Variants in MICAL2 observed in about 807,000 individuals in gnomAD.
MICAL2 encodes the protein microtubule associated monooxygenase, calponin and LIM domain containing 2.
A neutral mutation model predicts 127.3 loss-of-function variants in MICAL2; 77 were observed. That is an observed-to-expected ratio of 0.60 (90% CI 0.50 to 0.73). MICAL2 has a LOEUF of 0.73. MICAL2 is among the 30% of genes least tolerant of loss of function. The pLI, the probability that MICAL2 is intolerant of heterozygous loss-of-function variation, is 0.00. For missense variants in MICAL2, 1,351 were observed against 1,434.4 expected (o/e 0.94, Z 0.94); for synonymous variants, 570 against 551.1 (o/e 1.03, Z -0.48).
At chr11:12,163,129 G>A (rs781396613) in intron 3 of MICAL2, among the ~76,000 whole-genome samples, 14 of 152,114 alleles carry the variant, frequency 9.2e-5, no homozygotes, top group African/African-American at 2.4e-4. Flanking sequence ...AAGCCTACAC[G>A]AACTGGTTGC....
At chr11:12,128,702 C>T (rs1448655368) in intron 1 of MICAL2, among the ~76,000 whole-genome samples, 1 of 152,200 alleles carries the variant, frequency 6.6e-6, no homozygotes, top group Non-Finnish European at 1.5e-5. Flanking sequence ...CAGAGCCTTT[C>T]AGCCACCCTC....
chr11:12,236,294 C>A, intron 16 of MICAL2, 49 bp downstream of exon 16: 7 of 1,547,660 alleles, frequency 4.5e-6, no homozygotes, highest in Non-Finnish European at 6.3e-6. Context: ...TCCTGACAAC[C>A]AGTGGCCACA....
chr11:12,167,921 T>C (rs1432588029), intron 3 of MICAL2, among the ~76,000 whole-genome samples: 1 of 152,180 alleles, frequency 6.6e-6, no homozygotes, highest in African/African-American at 2.4e-5. Context: ...CTTTCCTTTT[T>C]AGCTGTCCTC....
chr11:12,165,138 CAA>C (rs1207353830), intron 3 of MICAL2, among the ~76,000 whole-genome samples: 12 of 73,370 alleles, frequency 1.6e-4, no homozygotes, highest in Admixed American at 2.9e-4. Flanking sequence ...GACTCCATCT[CAA>C]AAAAAAAAAA....
chr11:12,341,987 G>T (rs1250420959), intron 32 of MICAL2, among the ~76,000 whole-genome samples: 1 of 152,166 alleles, frequency 6.6e-6, no homozygotes. Context: ...CAATATAAAT[G>T]ACTCTATTAA....
At chr11:12,333,818 A>T (rs1045526611) in intron 32 of MICAL2, among the ~76,000 whole-genome samples, 1 of 152,158 alleles carries the variant, frequency 6.6e-6, no homozygotes, top group African/African-American at 2.4e-5. Context: ...CTAGCAAAAA[A>T]CATGTACTAT....
rs1358811608 is a variant in MICAL2 at position 12,226,331 on chromosome 11, T to A, written c.1849T>A (p.Phe617Ile). 1.2e-6 allele frequency: 2 copies of A among 1,614,094 alleles called. No individual in the cohort carries two copies. Among genetic ancestry groups the A allele is most frequent in the Middle Eastern group, 1.7e-4 (1 of 6,058 alleles). ...KLSMVMYLSK[F>I]YELFRGTPLR... ...CAGCATGGTCATGTACCTCTCCAAG[T>A]TCTACGAGCTCTTCCGGGGCACCCC... Residue 617 changes from phenylalanine to isoleucine, a missense_variant, in exon 14 of 28, where the codon TTC (phenylalanine) becomes ATC (isoleucine). This residue lies in a region of MICAL2 where 752 missense variants were observed against 719.4 expected (regional missense o/e 1.05). Coordinates refer to ENST00000683283, the MANE Select transcript of MICAL2 (RefSeq NM_001282663.2).
intron 3 of MICAL2, among the ~76,000 whole-genome samples, chr11:12,194,802 G>T (rs961651227): frequency 6.6e-6 from 1 of 151,962 alleles, no homozygotes; most frequent in Non-Finnish European, 1.5e-5. Flanking sequence ...GAATTTACAG[G>T]GTCAGTTAGA....
chr11:12,352,899 G>A lies in MICAL2; in HGVS notation c.5616-1885G>A, dbSNP rs528385809. Among the ~76,000 whole-genome samples, 32 of 152,326 alleles carry A rather than the reference G, an allele frequency of 2.1e-4. No individual in the cohort carries two copies. The South Asian group carries it at 5.8e-3, about 28-fold the overall frequency. On this transcript the variant is annotated intron_variant, in intron 33 of 34. Coordinates refer to the MICAL2 transcript ENST00000646065. Reference sequence around the variant, plus strand: ...AACATCAGTGCAAAGACTGCCCATCGAGGAATTCCATGCAGGCAGGAACGG... The same window carrying A: ...AACATCAGTGCAAAGACTGCCCATCAAGGAATTCCATGCAGGCAGGAACGG...
intron 15 of MICAL2, among the ~76,000 whole-genome samples, chr11:12,231,453 C>G (rs143493305): frequency 6.6e-6 from 1 of 152,350 alleles, no homozygotes; most frequent in Non-Finnish European, 1.5e-5. Flanking sequence ...CCCCAACCCT[C>G]CTCTTCCTGA....
In MICAL2 at chr11:12,227,025, A is replaced by C. The variant is rs1445902380; in HGVS notation, c.1889A>C (p.Asp630Ala). ...ACAGTTGCGCTTTATTTCCCAACAG[A>C]TTCTTGGCGCAAAAACTATGGAGAA... ...LFRGTPLRPV[D>A]SWRKNYGENA... The change falls in exon 15 of 28, where the codon GAT (aspartate) becomes GCT (alanine). Residue 630 changes from aspartate to alanine, a missense_variant and splice_region_variant. Around this residue, in one of 2 missense-constraint regions of MICAL2, gnomAD observed 752 missense variants for 719.4 expected, o/e 1.05. Coordinates refer to ENST00000683283, the MANE Select transcript of MICAL2 (RefSeq NM_001282663.2). 6.2e-7 allele frequency: 1 copy of C among 1,613,024 alleles called. No individual in the cohort carries two copies. Among genetic ancestry groups the C allele is most frequent in the Non-Finnish European group, 8.5e-7 (1 of 1,179,096 alleles).
intron 22 of MICAL2, chr11:12,249,893 C>T (rs1973386): frequency 0.51 from 77,121 of 152,188 alleles, 20,151 homozygotes; most frequent in Middle Eastern, 0.67. Context: ...CTGCCTTGTG[C>T]CAGGAATGTC....
In MICAL2 at chr11:12,213,426, T is replaced by G. The variant is rs1855764040; in HGVS notation, c.847+16T>G. ...GAAGAAACAGGTGGGACCTTCACCT[T>G]TCTCCCAACCAGGCCAAGGTCTAAA... On this transcript the variant is annotated intron_variant, in intron 7 of 27. Coordinates refer to ENST00000683283, the MANE Select transcript of MICAL2 (RefSeq NM_001282663.2). 4.3e-6 allele frequency: 7 copies of G among 1,609,894 alleles called. No individual in the cohort carries two copies. Among genetic ancestry groups the G allele is most frequent in the Non-Finnish European group, 5.9e-6 (7 of 1,177,590 alleles).
Position 12,249,207 on chromosome 11 carries a change from C to T in MICAL2, c.2808C>T (p.Phe936=), listed in dbSNP as rs757420948. 3.7e-6 allele frequency: 6 copies of T among 1,612,768 alleles called. No individual in the cohort carries two copies. The highest frequency in any genetic ancestry group is 1.6e-4 in the Middle Eastern group (1 of 6,078). ...ARKEKKSPSG[F]HFHPSHLRTV... ...AGGAAAAGAAGTCACCTTCAGGGTT[C>T]CATTTTCATCCCAGCCATTTGAGAA... The change falls in exon 22 of 28, where the codon TTC becomes TTT. Residue 936 remains phenylalanine (F), a synonymous_variant. Transcript: ENST00000683283.
At chr11:12,163,324 T>A (rs1260008449) in intron 3 of MICAL2, among the ~76,000 whole-genome samples, 1 of 152,070 alleles carries the variant, frequency 6.6e-6, no homozygotes, top group Non-Finnish European at 1.5e-5. Flanking sequence ...TGTGTTTAGG[T>A]TAAAATCGAA....
chr11:12,315,314 G>T (rs942484441), intron 29 of MICAL2, among the ~76,000 whole-genome samples: 1 of 152,070 alleles, frequency 6.6e-6, no homozygotes, highest in Admixed American at 6.5e-5. Context: ...TATAAACAAG[G>T]TAAAGCCATA....
intron 1 of MICAL2, among the ~76,000 whole-genome samples, chr11:12,134,851 A>G (rs1013913051): frequency 7.2e-5 from 11 of 152,158 alleles, no homozygotes; most frequent in African/African-American, 2.4e-4. Context: ...ATTAAAAAGG[A>G]TACATTGGAA....
At chr11:12,182,500 C>T (rs1347751654) in intron 3 of MICAL2, among the ~76,000 whole-genome samples, 1 of 152,146 alleles carries the variant, frequency 6.6e-6, no homozygotes, top group Non-Finnish European at 1.5e-5. Flanking sequence ...ACACACGACA[C>T]GATTCCTAGC....
At chr11:12,351,427 A>G (rs1939043453) in intron 33 of MICAL2, among the ~76,000 whole-genome samples, 1 of 152,188 alleles carries the variant, frequency 6.6e-6, no homozygotes, top group Non-Finnish European at 1.5e-5. Flanking sequence ...GCAGAGGCCA[A>G]GGATGCTACT....
Sources: gnomAD v4.1 joint callset for allele counts (sites outside exome capture counted in the v4.1 genomes callset) on GRCh38, gnomAD v4.1.1 for gene constraint, gnomAD v4.1.1 regional missense constraint, MANE v1.5 for transcripts, NCBI Gene and HGNC (gene_info 2026-07-23, HGNC 2026-07-21) for gene names.